The following BTNL8 variants were observed in gnomAD, a reference collection of about 807,000 sequenced individuals.
BTNL8 encodes butyrophilin-like protein 8.
A neutral mutation model predicts 36.1 loss-of-function variants in BTNL8; 22 were observed. The observed-to-expected ratio is 0.61, with a 90% confidence interval of 0.44 to 0.87. The LOEUF (loss-of-function observed/expected upper bound fraction) is 0.87, where lower values mean the gene tolerates loss of function less well. BTNL8 is among the 40% of genes least tolerant of loss of function. BTNL8 has a pLI of 0.00. For missense variants in BTNL8, 526 were observed against 616.9 expected, an observed-to-expected ratio of 0.85 and a Z score of 1.56; for synonymous variants, 203 against 235.6, an observed-to-expected ratio of 0.86 and a Z score of 1.27.
intron 5 of BTNL8, 112 bp downstream of exon 5, chr5:180,948,487 G>A (rs1054047833): frequency 5.0e-6 from 8 of 1,608,328 alleles, no homozygotes; most frequent in Admixed American, 3.4e-5. Flanking sequence ...AGGAAGCACC[G>A]GCAGGTGGAG....
At chr5:180,937,761 T>C (rs1758727351) in intron 3 of BTNL8, among the ~76,000 whole-genome samples, 1 of 152,078 alleles carries the variant, frequency 6.6e-6, no homozygotes, top group African/African-American at 2.4e-5. Context: ...AGGAACACAG[T>C]AATTCTTCAG....
At chr5:180,902,041 T>C (rs1404471156) in intron 1 of BTNL8, among the ~76,000 whole-genome samples, 1 of 152,208 alleles carries the variant, frequency 6.6e-6, no homozygotes, top group South Asian at 2.1e-4. Flanking sequence ...ATAGTAGCCA[T>C]AAAATATTGA....
chr5:180,945,987 TAATA>T (rs79795340), intron 3 of BTNL8: 181 of 159,824 alleles, frequency 1.1e-3, no homozygotes, highest in South Asian at 5.4e-3. Flanking sequence ...AAATAAACAT[TAATA>T]AATAAATAAA....
chr5:180,949,343 C>T lies in BTNL8; in HGVS notation c.862+78C>T, dbSNP rs553609522. ...AGGGGGAACTGAACAGGGACAGATA[C>T]GGGAACACAGAGTGATGCTGAGACC... On this transcript the variant is annotated intron_variant, in intron 7 of 7. Coordinates refer to ENST00000340184, the MANE Select transcript of BTNL8 (RefSeq NM_001040462.3). 2.6e-5 allele frequency: 38 copies of T among 1,451,278 alleles called. 7 individuals are homozygous for T. In the East Asian group the frequency reaches 3.9e-4, roughly 15 times the overall value. 89.9% of individuals were successfully genotyped at this position (1,451,278 alleles called of 1,614,324 possible).
At chr5:180,908,048 C>G (rs986807871) in intron 1 of BTNL8, among the ~76,000 whole-genome samples, 6 of 152,140 alleles carry the variant, frequency 3.9e-5, no homozygotes, top group African/African-American at 1.4e-4. Context: ...GGGCTCCACC[C>G]AGTTGGAGCT....
intron 3 of BTNL8, among the ~76,000 whole-genome samples, chr5:180,929,061 G>A (rs755748157): frequency 2.6e-5 from 4 of 152,058 alleles, no homozygotes; most frequent in East Asian, 1.9e-4. Flanking sequence ...CACATAATTC[G>A]AAACAGAACA....
At chr5:180,907,706 G>A (rs1321094289) in intron 1 of BTNL8, among the ~76,000 whole-genome samples, 4 of 152,036 alleles carry the variant, frequency 2.6e-5, no homozygotes, top group South Asian at 2.1e-4. Flanking sequence ...TTTTTGGTGT[G>A]GATGTCCTTT....
At chr5:180,920,702 G>C (rs1331029428) in intron 3 of BTNL8, among the ~76,000 whole-genome samples, 1 of 152,052 alleles carries the variant, frequency 6.6e-6, no homozygotes, top group East Asian at 1.9e-4. Flanking sequence ...CTGATAAAGA[G>C]TTAATGTCCA....
At chr5:180,916,567 C>G (rs1448417101) in intron 3 of BTNL8, among the ~76,000 whole-genome samples, 1 of 151,902 alleles carries the variant, frequency 6.6e-6, no homozygotes, top group South Asian at 2.1e-4. Context: ...AATTGACAAG[C>G]CTTTACCTAG....
rs554901194 is a variant in BTNL8, at chr5:180,948,251, G to A, written c.788-104G>A. On this transcript the variant is annotated intron_variant, in intron 4 of 7. Transcript: ENST00000340184. ...ATATAAGTGTCCTAGGAGAGGCCCT[G>A]CCCTTCACACCTGCAGCTCGTCCCA... The A allele has an allele frequency of 1.7e-3, 2,401 of 1,424,232 alleles. 174 individuals carry two copies. Among genetic ancestry groups the A allele is most frequent in the Admixed American group, 0.014 (753 of 54,086 alleles). The allele number at this position is 1,424,232 out of a possible 1,614,324, so 88.2% of individuals were successfully genotyped here. A position where few individuals can be genotyped will look rare whatever the true frequency, so the allele number is the denominator to read the frequency against.
At chr5:180,909,734 AAGATGAAAGAAGG>A in intron 2 of BTNL8, 1 of 278,270 alleles carries the variant, frequency 3.6e-6, no homozygotes, top group Non-Finnish European at 5.4e-6. Flanking sequence ...AAAAAAAAAG[AAGATGAAAGAAGG>A]AAAAAACAGA....
At chr5:180,922,463 C>T (rs1443959183) in intron 3 of BTNL8, among the ~76,000 whole-genome samples, 2 of 151,318 alleles carry the variant, frequency 1.3e-5, no homozygotes, top group African/African-American at 4.9e-5. Flanking sequence ...AAAAGTCATT[C>T]AGGAGTAGGT....
chr5:180,908,741 G>A lies in BTNL8; in HGVS notation c.205G>A (p.Asp69Asn). 4 of 1,614,198 alleles carry A rather than the reference G, an allele frequency of 2.5e-6. No individual in the cohort carries two copies. The highest frequency in any genetic ancestry group is 3.4e-6 in the Non-Finnish European group (4 of 1,180,052). Residue 69 changes from aspartate to asparagine, a missense_variant, in exon 2 of 8, where the codon GAC becomes AAC. By Grantham distance (23) the Asp-to-Asn change is conservative (BLOSUM62 1). Around this residue, in one of 2 missense-constraint regions of BTNL8, gnomAD observed 350 missense variants for 324.6 expected, o/e 1.08. Transcript: ENST00000340184. The part of the protein sequence containing the change: ...QFSSVVHLYR[D>N]GKDQPFMQMP... ...CTCTAGCGTGGTCCACCTCTACAGGGACGGGAAGGACCAGCCATTTATGCA... is the reference window on the plus strand; with the variant it reads ...CTCTAGCGTGGTCCACCTCTACAGGAACGGGAAGGACCAGCCATTTATGCA...
intron 3 of BTNL8, among the ~76,000 whole-genome samples, chr5:180,911,879 C>T (rs1197431964): frequency 1.3e-5 from 2 of 152,046 alleles, no homozygotes; most frequent in Non-Finnish European, 2.9e-5. Context: ...TTTTTGGGTC[C>T]ACTTGACTGG....
At chr5:180,927,489 T>C (rs997201950) in intron 3 of BTNL8, among the ~76,000 whole-genome samples, 10 of 152,152 alleles carry the variant, frequency 6.6e-5, no homozygotes, top group Non-Finnish European at 1.2e-4. Context: ...GTTTGATGAA[T>C]TGACAGAAGT....
intron 3 of BTNL8, among the ~76,000 whole-genome samples, chr5:180,931,017 A>G: frequency 6.6e-6 from 1 of 152,200 alleles, no homozygotes; most frequent in East Asian, 1.9e-4. Flanking sequence ...AATCCTAAGC[A>G]AAAAGAACAA....
intron 2 of BTNL8, chr5:180,909,738 T>C (rs1281617412): frequency 1.2e-5 from 3 of 258,206 alleles, no homozygotes; most frequent in East Asian, 1.9e-4. Flanking sequence ...AAAAAGAAGA[T>C]GAAAGAAGGA....
chr5:180,946,472 A>G (rs950992636), intron 3 of BTNL8, among the ~76,000 whole-genome samples: 1 of 152,234 alleles, frequency 6.6e-6, no homozygotes, highest in Non-Finnish European at 1.5e-5. Context: ...AACTCCGAGG[A>G]TAAACCTGAA....
At chr5:180,929,550 AATAG>A (rs199781426) in intron 3 of BTNL8, among the ~76,000 whole-genome samples, 30,964 of 151,848 alleles carry the variant, frequency 0.2, 5,663 homozygotes, top group African/African-American at 0.5. Flanking sequence ...AGATTAACAA[AATAG>A]ATAGACCGTT....
Sources: allele counts gnomAD v4.1 joint callset (sites outside exome capture counted in the v4.1 genomes callset), GRCh38; gene constraint gnomAD v4.1.1; regional missense constraint gnomAD v4.1.1; transcripts MANE v1.5; gene names NCBI Gene and HGNC (gene_info 2026-07-23, HGNC 2026-07-21).